The following CD163L1 variants were observed in gnomAD, a reference collection of about 807,000 sequenced individuals.
The protein encoded by CD163L1 is scavenger receptor cysteine-rich type 1 protein M160.
CD163L1 carries 124 observed loss-of-function variants against 165.4 expected under a neutral mutation model. The observed-to-expected ratio is 0.75, with a 90% CI of 0.65 to 0.87. The LOEUF is 0.87. Ranked by LOEUF, CD163L1 falls within the 40% of genes least tolerant of loss-of-function variation. CD163L1 has a pLI of 0.00. For missense variants in CD163L1, 1,525 were observed against 1,799.9 expected, an observed-to-expected ratio of 0.85 and a Z score of 2.76; for synonymous variants, 585 against 662.2, an observed-to-expected ratio of 0.88 and a Z score of 1.79.
chr12:7,366,336 G>T (rs1591879604), intron 18 of CD163L1, among the ~76,000 whole-genome samples: 1 of 151,996 alleles, frequency 6.6e-6, no homozygotes, highest in Non-Finnish European at 1.5e-5. Flanking sequence ...AATCAATAAG[G>T]TGACTATAAT....
At chr12:7,430,638 A>C (rs906634671) in intron 4 of CD163L1, among the ~76,000 whole-genome samples, 2 of 152,174 alleles carry the variant, frequency 1.3e-5, no homozygotes, top group African/African-American at 2.4e-5. Context: ...AAATAACTAA[A>C]ATGTTATTAA....
At chr12:7,425,820 AAAC>A (rs1948531403) in intron 4 of CD163L1, among the ~76,000 whole-genome samples, 1 of 152,154 alleles carries the variant, frequency 6.6e-6, no homozygotes, top group African/African-American at 2.4e-5. Flanking sequence ...AAAACTCTGG[AAAC>A]AACAGATGCT....
rs1947255861 is a variant in CD163L1 at position 7,375,772 on chromosome 12, C to T, written c.2614G>A (p.Ala872Thr). 1.2e-6 allele frequency: 2 copies of T among 1,614,204 alleles called. No individual in the cohort carries two copies. Among genetic ancestry groups the T allele is most frequent in the African/African-American group, 2.7e-5 (2 of 75,058 alleles). Residue 872 changes from alanine to threonine, a missense_variant, in exon 10 of 20, where the codon GCA becomes ACA. Physicochemically the swap from Ala to Thr is moderately conservative, Grantham distance 58. Coordinates refer to ENST00000313599, the MANE Select transcript of CD163L1 (RefSeq NM_174941.6). ...FQCEGSETHLALCPIVQHPED... is the reference protein window; with the variant it reads ...FQCEGSETHLTLCPIVQHPED... ...GGATGTTGAACAATGGGGCATAATG[C>T]AAGGTGAGTTTCACTCCCTTCACAC...
At chr12:7,428,844 C>T (rs750791856) in intron 4 of CD163L1, among the ~76,000 whole-genome samples, 7 of 152,070 alleles carry the variant, frequency 4.6e-5, no homozygotes, top group African/African-American at 7.2e-5. Flanking sequence ...GTTCCTTTCA[C>T]AGATCCCAGG....
intron 19 of CD163L1, 120 bp downstream of exon 19, chr12:7,357,260 G>T: frequency 3.4e-6 from 2 of 593,830 alleles, no homozygotes; most frequent in Non-Finnish European, 6.0e-6. Flanking sequence ...TTGAAATACT[G>T]GGGATATGAA....
Position 7,369,524 on chromosome 12 carries a change from G to A in CD163L1, c.3872C>T (p.Ser1291Phe), listed in dbSNP as rs1279917687. ...AGCGTCCCTCAGGGCAGCCAGAGCA[G>A]AGCCACAGCCCAGCTGCTGACACAC... ...EVVCQQLGCGSALAALRDASF... is the reference protein window; with the variant it reads ...EVVCQQLGCGFALAALRDASF... The change falls in exon 15 of 20, where the codon TCT (serine) becomes TTT (phenylalanine). Residue 1291 changes from serine to phenylalanine, a missense_variant. Transcript: ENST00000313599. The surrounding 1 kb of genome is among the most constrained non-coding windows in gnomAD (Gnocchi z 4.9). 9 of 1,614,158 alleles carry A rather than the reference G, an allele frequency of 5.6e-6. No individual in the cohort carries two copies. The highest frequency in any genetic ancestry group is 3.3e-5 in the Admixed American group (2 of 60,030).
chr12:7,426,919 A>G (rs1227648431), intron 4 of CD163L1, among the ~76,000 whole-genome samples: 8 of 152,168 alleles, frequency 5.3e-5, no homozygotes, highest in Non-Finnish European at 1.0e-4. Context: ...CTTATATCTG[A>G]CAAAACAGAT....
At chr12:7,437,765 T>C (rs920512000) in intron 2 of CD163L1, among the ~76,000 whole-genome samples, 1 of 151,674 alleles carries the variant, frequency 6.6e-6, no homozygotes, top group Non-Finnish European at 1.5e-5. Flanking sequence ...CTGTGGTACA[T>C]GATCAATGAT....
intron 2 of CD163L1, among the ~76,000 whole-genome samples, chr12:7,436,183 G>C (rs1286194340): frequency 6.6e-6 from 1 of 152,118 alleles, no homozygotes; most frequent in East Asian, 1.9e-4. Flanking sequence ...TCCTGGTTGA[G>C]GGATGGATTT....
chr12:7,365,917 T>C lies in CD163L1; in HGVS notation c.4279+1319A>G, dbSNP rs766434883. On this transcript the variant is annotated intron_variant, in intron 18 of 19. Transcript: ENST00000313599. ...CAGCAATTCCACTTCTGGGTATATATCCAAAAGAAAGAAAATTATATATCA... is the reference window on the plus strand; with the variant it reads ...CAGCAATTCCACTTCTGGGTATATACCCAAAAGAAAGAAAATTATATATCA... Among the ~76,000 whole-genome samples, 18 of 152,176 alleles carry C rather than the reference T, an allele frequency of 1.2e-4. No homozygotes were observed. In the South Asian group the frequency reaches 3.7e-3, roughly 32 times the overall value.
chr12:7,398,669 A>G lies in CD163L1; in HGVS notation c.1409-85T>C, dbSNP rs1325798363. 3.3e-6 allele frequency: 4 copies of G among 1,204,400 alleles called. No homozygotes were observed. The Middle Eastern group carries it at 6.0e-4, about 182-fold the overall frequency. The allele number at this position is 1,204,400 out of a possible 1,614,324, so 74.6% of individuals were successfully genotyped here. On this transcript the variant is annotated intron_variant, in intron 6 of 19. Transcript: ENST00000313599. This position sits in a 1 kb window ranked among gnomAD's most constrained non-coding sequence, Gnocchi z 4.5. ...GAAAAGACTCTCTAAATTCACGACT[A>G]TAAGGCTTTGCCTAACAGGTGATAT...
chr12:7,328,991 C>CATATGT, the CD163L1 span, among the ~76,000 whole-genome samples: 1 of 147,010 alleles, frequency 6.8e-6, no homozygotes, highest in Admixed American at 6.8e-5. Flanking sequence ...TGTGTATATA[C>CATATGT]ACATATGTAT....
chr12:7,423,739 T>C (rs909169735), intron 4 of CD163L1, among the ~76,000 whole-genome samples: 1 of 152,132 alleles, frequency 6.6e-6, no homozygotes, highest in Non-Finnish European at 1.5e-5. Context: ...AATATTTGGA[T>C]AAATTCCTGG....
At chr12:7,330,180 C>G in the CD163L1 span, among the ~76,000 whole-genome samples, 1 of 152,282 alleles carries the variant, frequency 6.6e-6, no homozygotes, top group Non-Finnish European at 1.5e-5. Context: ...CCTGCCTATT[C>G]TCTTTGCCCC....
At position 7,373,574 on chromosome 12, in the gene CD163L1, A is replaced by G. The variant is rs1345307038; in HGVS notation, c.3476T>C (p.Phe1159Ser). Residue 1159 changes from phenylalanine to serine, a missense_variant, in exon 14 of 20, where the codon TTC becomes TCC. By Grantham distance (155) the Phe-to-Ser change is radical. Coordinates refer to ENST00000313599, the MANE Select transcript of CD163L1 (RefSeq NM_174941.6). ...GACGCTGCCCCAGGTCCCGTTATAG[A>G]AGACTTCCAATCTCCCAGCACAGCT... ...TESCAGRLEV[F>S]YNGTWGSVGR... The G allele has an allele frequency of 6.2e-7, 1 of 1,613,930 alleles. No homozygotes were observed. The highest frequency in any genetic ancestry group is 2.2e-5 in the East Asian group (1 of 44,878).
chr12:7,369,652 C>T lies in CD163L1; in HGVS notation c.3744G>A (p.Val1248=). ...TWITCEDRIR[V]RGGDTECSGR... ...CAGAGCACTCGGTGTCTCCTCCACG[C>T]ACTCTTATTCTATCTACAAAGGCAC... Residue 1248 remains valine (V), a synonymous_variant, in exon 15 of 20, where the codon GTG becomes GTA. Transcript: ENST00000313599. This position sits in a 1 kb window ranked among gnomAD's most constrained non-coding sequence, Gnocchi z 4.9. 6.2e-7 allele frequency: 1 copy of T among 1,611,960 alleles called. No homozygotes were observed.
chr12:7,345,456 G>C (rs1236842151), downstream of CD163L1, among the ~76,000 whole-genome samples: 1 of 152,168 alleles, frequency 6.6e-6, no homozygotes, highest in African/African-American at 2.4e-5. Flanking sequence ...TTTCATTTGA[G>C]ACTTCCCCAG....
intron 19 of CD163L1, among the ~76,000 whole-genome samples, chr12:7,356,720 TCTAA>T (rs1280859694): frequency 6.6e-6 from 1 of 152,178 alleles, no homozygotes; most frequent in Non-Finnish European, 1.5e-5. Flanking sequence ...GACCATCCAC[TCTAA>T]CTGAGAGAAA....
chr12:7,403,433 TA>T, intron 6 of CD163L1, 101 bp downstream of exon 6: 1 of 1,153,816 alleles, frequency 8.7e-7, no homozygotes, highest in Non-Finnish European at 1.2e-6. Flanking sequence ...GGTTTTTTTT[TA>T]AGGTCCAGAA....
Sources: gnomAD v4.1 joint callset for allele counts (sites outside exome capture counted in the v4.1 genomes callset) on GRCh38, gnomAD v4.1.1 for gene constraint, Gnocchi (gnomAD v3.1) non-coding constraint, MANE v1.5 for transcripts, NCBI Gene and HGNC (gene_info 2026-07-23, HGNC 2026-07-21) for gene names.